The following COL28A1 variants were observed in gnomAD, a reference collection of about 807,000 sequenced individuals.
The protein encoded by COL28A1 is collagen type XXVIII alpha 1 chain.
In COL28A1, 161 loss-of-function variants were observed where a neutral mutation model predicts 150.2. The ratio of observed to expected loss-of-function variants is 1.07; its 90% CI spans 0.94 to 1.22. The LOEUF is 1.22. Among genes scored for constraint, COL28A1 ranks in the 50% most tolerant of loss-of-function variants. The pLI, the probability that COL28A1 is intolerant of heterozygous loss-of-function variation, is 0.00. For synonymous variants in COL28A1, 552 were observed against 469.7 expected (o/e 1.18, Z -2.26); for missense variants, 1,617 against 1,388.3 (o/e 1.16, Z -2.62).
intron 26 of COL28A1, among the ~76,000 whole-genome samples, chr7:7,419,042 C>A (rs1784255752): frequency 6.6e-6 from 1 of 152,142 alleles, no homozygotes; most frequent in Non-Finnish European, 1.5e-5. Context: ...CATGAATATA[C>A]CAATTCAAAA....
rs781490222 is a variant in COL28A1 at position 7,419,913 on chromosome 7, G to C, written c.2039C>G (p.Pro680Arg). 10 of 1,602,246 alleles carry C rather than the reference G, an allele frequency of 6.2e-6. No individual in the cohort carries two copies. In the Admixed American group the frequency reaches 1.7e-4, roughly 28 times the overall value. The part of the protein sequence containing the change: ...GVRGPPGPSG[P>R]RGVGTQGPKG... ...TGGCCCTTGGGTTCCTACGCCCCGA[G>C]GCCCAGAAGGACCTGGAGGGCCTCT... The change falls in exon 26 of 35, where the codon CCT becomes CGT. Residue 680 changes from proline to arginine, a missense_variant. Physicochemically the swap from Pro to Arg is moderately radical, Grantham distance 103. Coordinates refer to ENST00000399429, the MANE Select transcript of COL28A1 (RefSeq NM_001037763.3).
intron 8 of COL28A1, 115 bp from the exon 9 acceptor site, chr7:7,511,250 T>G: frequency 1.2e-6 from 1 of 801,212 alleles, no homozygotes; most frequent in Non-Finnish European, 2.0e-6. Flanking sequence ...TAAGCACTCT[T>G]TTGGTTTCTA....
chr7:7,440,829 A>G lies in COL28A1; in HGVS notation c.1683T>C (p.Asn561=), dbSNP rs1383915541. ...GDEGKKGSKG[N]QGQRGLPGPE... ...GCCCTGGAAGTCCCCTCTGTCCTTG[A>G]TTTCCTTTGCTCCCTTTCTTGCCTT... is the stretch of plus-strand genomic sequence containing the variant. The change falls in exon 21 of 35, where the codon AAT becomes AAC. Residue 561 remains asparagine, a synonymous_variant. Coordinates refer to ENST00000399429, the MANE Select transcript of COL28A1 (RefSeq NM_001037763.3). 3.9e-6 allele frequency: 6 copies of G among 1,555,062 alleles called. No individual in the cohort carries two copies. The African/African-American group carries it at 5.4e-5, about 14-fold the overall frequency.
chr7:7,508,089 G>A (rs543323595), intron 9 of COL28A1, among the ~76,000 whole-genome samples: 16 of 152,190 alleles, frequency 1.1e-4, no homozygotes, highest in African/African-American at 3.4e-4. Flanking sequence ...AAAATTAGCC[G>A]GGCGTGGTGG....
intron 14 of COL28A1, 98 bp downstream of exon 14, chr7:7,477,014 A>G: frequency 1.4e-6 from 1 of 729,732 alleles, no homozygotes; most frequent in Non-Finnish European, 2.5e-6. Context: ...CAGAAAAATA[A>G]TTAACTTCTA....
intron 11 of COL28A1, among the ~76,000 whole-genome samples, chr7:7,501,250 G>T (rs1361613243): frequency 6.6e-6 from 1 of 152,224 alleles, no homozygotes; most frequent in African/African-American, 2.4e-5. Flanking sequence ...GAAGGAGTTA[G>T]GAGAAGGGAG....
chr7:7,377,370 TCA>T (rs1422747172), intron 30 of COL28A1, among the ~76,000 whole-genome samples: 1 of 152,114 alleles, frequency 6.6e-6, no homozygotes, highest in African/African-American at 2.4e-5. Context: ...CTCAAAGGAT[TCA>T]CAGTCCAGGA....
intron 11 of COL28A1, among the ~76,000 whole-genome samples, chr7:7,496,612 C>A (rs1780221354): frequency 6.6e-6 from 1 of 152,090 alleles, no homozygotes; most frequent in East Asian, 1.9e-4. Context: ...GCTGAGAAAA[C>A]CGACTAACAC....
intron 27 of COL28A1, among the ~76,000 whole-genome samples, chr7:7,400,776 T>G (rs1168878947): frequency 6.6e-6 from 1 of 152,192 alleles, no homozygotes; most frequent in African/African-American, 2.4e-5. Flanking sequence ...GCCTGTATAC[T>G]TTGTCTTCAC....
At chr7:7,512,793 A>G (rs955354343) in intron 8 of COL28A1, among the ~76,000 whole-genome samples, 1 of 152,226 alleles carries the variant, frequency 6.6e-6, no homozygotes, top group African/African-American at 2.4e-5. Context: ...TGATTTACTT[A>G]AATGTACAGG....
intron 7 of COL28A1, among the ~76,000 whole-genome samples, chr7:7,517,220 CA>C (rs1781463980): frequency 6.6e-6 from 1 of 151,994 alleles, no homozygotes; most frequent in Non-Finnish European, 1.5e-5. Flanking sequence ...TCCAGGGGGA[CA>C]AGCAGAGAGG....
downstream of COL28A1, among the ~76,000 whole-genome samples, chr7:7,355,273 A>T (rs543438062): frequency 3.9e-5 from 6 of 152,292 alleles, no homozygotes; most frequent in East Asian, 1.2e-3. Context: ...AAGCAGCAGC[A>T]CAGAGGGTAA....
At chr7:7,523,253 G>T (rs1227873140) in intron 4 of COL28A1, among the ~76,000 whole-genome samples, 1 of 150,922 alleles carries the variant, frequency 6.6e-6, no homozygotes, top group Non-Finnish European at 1.5e-5. Context: ...TGCCTCCTGG[G>T]TTCAAGTGAT....
intron 3 of COL28A1, among the ~76,000 whole-genome samples, chr7:7,529,132 C>G (rs1428929826): frequency 6.6e-6 from 1 of 151,424 alleles, no homozygotes; most frequent in Non-Finnish European, 1.5e-5. Context: ...CTCAAAAATA[C>G]AAAAAAATGA....
rs184867335 is a variant in COL28A1 at position 7,474,155 on chromosome 7, T to C, written c.1302+446A>G. On this transcript the variant is annotated intron_variant, in intron 15 of 34. Coordinates refer to ENST00000399429, the MANE Select transcript of COL28A1 (RefSeq NM_001037763.3). ...GGCATTTGCAGTGACCTGAATGAGA[T>C]TGGAGACTATCATTCTAAGTGAAGT... is the stretch of plus-strand genomic sequence containing the variant. Among the ~76,000 whole-genome samples, 12 of 150,876 alleles carry C rather than the reference T, an allele frequency of 8.0e-5. 1 individual carries two copies. Among genetic ancestry groups the C allele is most frequent in the East Asian group, 1.9e-4 (1 of 5,152 alleles).
upstream of COL28A1, among the ~76,000 whole-genome samples, chr7:7,537,527 G>A (rs550841124): frequency 6.6e-6 from 1 of 152,308 alleles, no homozygotes; most frequent in African/African-American, 2.4e-5. Flanking sequence ...GGCAGAGAGA[G>A]GTTCAGTAAC....
At chr7:7,485,846 T>C (rs181769033) in intron 13 of COL28A1, among the ~76,000 whole-genome samples, 6 of 152,312 alleles carry the variant, frequency 3.9e-5, no homozygotes, top group African/African-American at 1.4e-4. Context: ...ACAGTCATTG[T>C]TACTGTACCT....
At chr7:7,418,296 T>A (rs1381324951) in intron 26 of COL28A1, among the ~76,000 whole-genome samples, 1 of 152,188 alleles carries the variant, frequency 6.6e-6, no homozygotes, top group Non-Finnish European at 1.5e-5. Flanking sequence ...TGGCTCCACA[T>A]AGCCTTAAGA....
At chr7:7,388,036 T>C (rs769106945) in intron 27 of COL28A1, among the ~76,000 whole-genome samples, 4 of 152,040 alleles carry the variant, frequency 2.6e-5, no homozygotes, top group Non-Finnish European at 4.4e-5. Context: ...TTTTTTAAAT[T>C]ATAATTTCTG....
Sources: allele counts gnomAD v4.1 joint callset (sites outside exome capture counted in the v4.1 genomes callset), GRCh38; gene constraint gnomAD v4.1.1; transcripts MANE v1.5; gene names NCBI Gene and HGNC (gene_info 2026-07-23, HGNC 2026-07-21).